The following MEMO1 variants were observed in gnomAD, a reference collection of about 807,000 sequenced individuals.
MEMO1 encodes mediator of cell motility 1.
Under a neutral mutation model 45.2 loss-of-function variants are expected in MEMO1, and 6 were observed. The observed-to-expected ratio is 0.13, with a 90% CI of 0.07 to 0.26. The LOEUF is 0.26. Among genes scored for constraint, MEMO1 ranks in the 10% least tolerant of loss-of-function variants. MEMO1 has a pLI of 1.00. For missense variants in MEMO1, 184 were observed against 370.5 expected (o/e 0.50, Z 4.13); for synonymous variants, 78 against 124.3 (o/e 0.63, Z 2.48).
rs187248342 is a variant in MEMO1 at position 31,934,998 on chromosome 2, A to G, written c.144-2863T>C. 3.3e-5 allele frequency among the ~76,000 whole-genome samples: 5 copies of G among 152,338 alleles called. No homozygotes were observed. In the East Asian group the frequency reaches 7.7e-4, roughly 23 times the overall value. ...GGAGATGATGAAAAGGATAATGATA[A>G]TAATAGTAACATTTACTGACTACTT... On this transcript the variant is annotated intron_variant, in intron 3 of 9. Transcript: ENST00000404530.
rs189737072 is a variant in MEMO1 at position 31,976,285 on chromosome 2, A to G, written c.62-32902T>C. Among the ~76,000 whole-genome samples, 143 of 152,282 alleles carry G rather than the reference A, an allele frequency of 9.4e-4. 1 individual carries two copies. Among genetic ancestry groups the G allele is most frequent in the African/African-American group, 3.4e-3 (141 of 41,568 alleles). ...GAAAGTATAATTCAGAACTATAAAG[A>G]ATATATTTTCAGCCAGGCATGGTGG... On this transcript the variant is annotated intron_variant, in intron 2 of 9. Coordinates refer to ENST00000404530, the MANE Select transcript of MEMO1 (RefSeq NM_001301833.4).
chr2:31,972,950 T>A (rs1352871129), intron 2 of MEMO1, among the ~76,000 whole-genome samples: 2 of 152,112 alleles, frequency 1.3e-5, no homozygotes, highest in African/African-American at 4.8e-5. Flanking sequence ...CAAACCACAA[T>A]GAGCTACCAC....
chr2:31,980,779 T>C (rs1282744927), intron 2 of MEMO1, among the ~76,000 whole-genome samples: 3 of 152,156 alleles, frequency 2.0e-5, no homozygotes, highest in Admixed American at 1.3e-4. Context: ...CCCATATCTA[T>C]AGTAACTTCT....
intron 2 of MEMO1, among the ~76,000 whole-genome samples, chr2:31,994,555 T>C (rs937620761): frequency 1.8e-4 from 28 of 151,408 alleles, no homozygotes; most frequent in Admixed American, 1.8e-3. Context: ...CACTTGAACC[T>C]GGGAGGTGGA....
chr2:31,942,772 T>C (rs1978824), intron 3 of MEMO1, among the ~76,000 whole-genome samples: 31,992 of 152,064 alleles, frequency 0.21, 4,149 homozygotes, highest in East Asian at 0.46. Context: ...TCCTCCCACG[T>C]TGGCCTCTCA....
chr2:31,902,430 C>T (rs1679000532), intron 6 of MEMO1, among the ~76,000 whole-genome samples: 1 of 151,922 alleles, frequency 6.6e-6, no homozygotes, highest in South Asian at 2.1e-4. Flanking sequence ...TGAACTCTTA[C>T]ATGAGTGAAT....
At chr2:31,947,632 T>A (rs143865961) in intron 2 of MEMO1, among the ~76,000 whole-genome samples, 60 of 152,356 alleles carry the variant, frequency 3.9e-4, no homozygotes, top group African/African-American at 1.4e-3. Context: ...GGCATTTACT[T>A]TTTTGGATAC....
chr2:31,994,294 T>C (rs904519895), intron 2 of MEMO1, among the ~76,000 whole-genome samples: 1 of 151,424 alleles, frequency 6.6e-6, no homozygotes, highest in African/African-American at 2.4e-5. Flanking sequence ...ACCACAAATA[T>C]CATACTCGAG....
At chr2:31,896,217 G>A (rs559067083) in intron 6 of MEMO1, among the ~76,000 whole-genome samples, 1 of 152,156 alleles carries the variant, frequency 6.6e-6, no homozygotes, top group African/African-American at 2.4e-5. Flanking sequence ...ATAGTACTAG[G>A]ACAACTGCAT....
At chr2:31,975,473 C>T (rs1486960249) in intron 2 of MEMO1, among the ~76,000 whole-genome samples, 2 of 152,158 alleles carry the variant, frequency 1.3e-5, no homozygotes. Context: ...TGAACCCATT[C>T]TCTATCTCCT....
chr2:31,869,795 TG>T, intron 9 of MEMO1, 52 bp downstream of exon 9: 2 of 1,528,914 alleles, frequency 1.3e-6, no homozygotes, highest in Non-Finnish European at 1.7e-6. Flanking sequence ...GATAATATTT[TG>T]GAATATCATA....
intron 3 of MEMO1, among the ~76,000 whole-genome samples, chr2:31,933,383 A>G (rs1420688049): frequency 6.2e-4 from 70 of 112,632 alleles, no homozygotes; most frequent in African/African-American, 2.0e-3. Context: ...ATATATATAT[A>G]GAAAGGGGAA....
chr2:31,940,633 CT>C (rs1195644296), intron 3 of MEMO1, among the ~76,000 whole-genome samples: 1 of 152,304 alleles, frequency 6.6e-6, no homozygotes, highest in African/African-American at 2.4e-5. Flanking sequence ...TAGCCTCCCC[CT>C]GGGCTCAAGG....
chr2:31,872,264 C>A (rs1367523628), intron 8 of MEMO1, among the ~76,000 whole-genome samples: 5 of 152,138 alleles, frequency 3.3e-5, no homozygotes, highest in African/African-American at 9.7e-5. Flanking sequence ...CTCTTTCTCA[C>A]TCTCTACTCT....
chr2:31,955,579 G>C (rs771225335), intron 2 of MEMO1, among the ~76,000 whole-genome samples: 12 of 151,928 alleles, frequency 7.9e-5, no homozygotes, highest in Non-Finnish European at 1.3e-4. Flanking sequence ...GAATGTTCTA[G>C]TCTAATTGAA....
chr2:31,947,922 T>A (rs190666090), intron 2 of MEMO1, among the ~76,000 whole-genome samples: 1 of 152,336 alleles, frequency 6.6e-6, no homozygotes, highest in East Asian at 1.9e-4. Flanking sequence ...TACTTCTCTA[T>A]CGCTGTTTAG....
chr2:31,897,017 C>G (rs1338658501), intron 6 of MEMO1, among the ~76,000 whole-genome samples: 1 of 152,132 alleles, frequency 6.6e-6, no homozygotes, highest in African/African-American at 2.4e-5. Flanking sequence ...CATGATTTGG[C>G]TGTTTGTCTA....
intron 2 of MEMO1, among the ~76,000 whole-genome samples, chr2:31,966,737 A>AAAAAAAAAATG (rs1558539361): frequency 4.0e-5 from 6 of 151,680 alleles, no homozygotes. Flanking sequence ...TGTCTCAAAA[A>AAAAAAAAAATG]AAAAAAATGA....
intron 7 of MEMO1, among the ~76,000 whole-genome samples, chr2:31,886,237 C>A (rs1222095828): frequency 1.3e-5 from 2 of 152,166 alleles, no homozygotes; most frequent in East Asian, 3.9e-4. Flanking sequence ...AGCTACTACA[C>A]TGAATAAATA....
Sources: allele counts gnomAD v4.1 joint callset (sites outside exome capture counted in the v4.1 genomes callset), GRCh38; gene constraint gnomAD v4.1.1; transcripts MANE v1.5; gene names NCBI Gene and HGNC (gene_info 2026-07-23, HGNC 2026-07-21).